The following TBC1D4 variants were observed in gnomAD, a reference collection of about 807,000 sequenced individuals.
TBC1D4 encodes the protein TBC (Tre-2, BUB2, CDC16) domain-containing protein.
Under a neutral mutation model 142.5 loss-of-function variants are expected in TBC1D4, and 121 were observed. That is an observed-to-expected ratio of 0.85 (90% CI 0.73 to 0.99). The LOEUF (loss-of-function observed/expected upper bound fraction) is 0.99, where lower values mean the gene tolerates loss of function less well. TBC1D4 is among the 50% of genes least tolerant of loss of function. The pLI is 0.00. For synonymous variants in TBC1D4, 630 were observed against 628.2 expected, an observed-to-expected ratio of 1.00 and a Z score of -0.04; for missense variants, 1,475 against 1,606.6, an observed-to-expected ratio of 0.92 and a Z score of 1.40.
At chr13:75,450,862 C>A (rs1349610081) in intron 1 of TBC1D4, among the ~76,000 whole-genome samples, 1 of 152,126 alleles carries the variant, frequency 6.6e-6, no homozygotes, top group Non-Finnish European at 1.5e-5. Flanking sequence ...CTATCTAGGG[C>A]CCACTGTGAG....
chr13:75,398,003 C>T (rs1197595132), intron 1 of TBC1D4, among the ~76,000 whole-genome samples: 1 of 152,070 alleles, frequency 6.6e-6, no homozygotes, highest in South Asian at 2.1e-4. Flanking sequence ...ACCATAAGAC[C>T]ACCACGCTGT....
At chr13:75,477,998 T>C (rs1888689634) in intron 1 of TBC1D4, among the ~76,000 whole-genome samples, 1 of 152,206 alleles carries the variant, frequency 6.6e-6, no homozygotes, top group African/African-American at 2.4e-5. Context: ...GGTTGAATGC[T>C]TCTCCTGACA....
At chr13:75,391,737 C>G (rs574075462) in intron 1 of TBC1D4, among the ~76,000 whole-genome samples, 3 of 152,284 alleles carry the variant, frequency 2.0e-5, no homozygotes, top group Middle Eastern at 3.4e-3. Flanking sequence ...TTTACAAGAC[C>G]CTGCACCATC....
chr13:75,342,502 T>C (rs1224517838), intron 5 of TBC1D4, among the ~76,000 whole-genome samples: 1 of 152,198 alleles, frequency 6.6e-6, no homozygotes, highest in Non-Finnish European at 1.5e-5. Context: ...ATAGCATTAG[T>C]ATTTAGTGAA....
At chr13:75,365,333 T>C (rs1320233700) in intron 1 of TBC1D4, among the ~76,000 whole-genome samples, 1 of 107,604 alleles carries the variant, frequency 9.3e-6, no homozygotes, top group Admixed American at 8.2e-5. Context: ...AACAGCTCTG[T>C]TTTTTTTTTT....
intron 1 of TBC1D4, among the ~76,000 whole-genome samples, chr13:75,448,456 T>C (rs1216629469): frequency 6.6e-6 from 1 of 151,536 alleles, no homozygotes; most frequent in Admixed American, 6.6e-5. Flanking sequence ...TAATCCCAGC[T>C]ACTCGGGAGG....
chr13:75,417,453 C>G (rs1885969010), intron 1 of TBC1D4, among the ~76,000 whole-genome samples: 1 of 152,028 alleles, frequency 6.6e-6, no homozygotes, highest in Non-Finnish European at 1.5e-5. Flanking sequence ...ATCTTATCAC[C>G]TGCTGAAATT....
chr13:75,463,156 G>A (rs538596140), intron 1 of TBC1D4, among the ~76,000 whole-genome samples: 1 of 144,202 alleles, frequency 6.9e-6, no homozygotes, highest in South Asian at 2.3e-4. Flanking sequence ...TTCCTGCAGA[G>A]ATCGAGTTTT....
chr13:75,306,961 T>C (rs1184971375), intron 14 of TBC1D4, among the ~76,000 whole-genome samples: 2 of 152,200 alleles, frequency 1.3e-5, no homozygotes, highest in Non-Finnish European at 2.9e-5. Flanking sequence ...TTATTTTCTC[T>C]TTCGTTTGTT....
rs549464588 is a variant in TBC1D4 at position 75,401,911 on chromosome 13, T to C, written c.499-39304A>G. Among the ~76,000 whole-genome samples, 87 of 152,360 alleles carry C rather than the reference T, an allele frequency of 5.7e-4. 3 individuals are homozygous for C. The South Asian group carries it at 0.018, about 31-fold the overall frequency. On this transcript the variant is annotated intron_variant, in intron 1 of 20. Transcript: ENST00000377636. ...TGTTTCAATTAACAGAAAATGAACA[T>C]TAAGCAGTGAGGAATTATTCAAATC...
chr13:75,306,430 A>T lies in TBC1D4; in HGVS notation c.2635T>A (p.Tyr879Asn). ...ELQSRKVKLD[Y>N]EEVGACQKEV... is the part of the protein sequence containing the mutation. ...TTCTGACATGCACCAACTTCTTCAT[A>T]GTCTAATTTAACTTTTCTGGACTGG... The change falls in exon 15 of 21, where the codon TAT becomes AAT. Residue 879 changes from tyrosine to asparagine, a missense_variant. Tyr to Asn is a moderately radical substitution (Grantham distance 143). This residue lies in a region of TBC1D4 where 1,227 missense variants were observed against 1,267.7 expected (regional missense o/e 0.97). Transcript: ENST00000377636. 6.2e-7 allele frequency: 1 copy of T among 1,613,504 alleles called. No homozygotes were observed. Among genetic ancestry groups the T allele is most frequent in the Non-Finnish European group, 8.5e-7 (1 of 1,179,894 alleles).
At chr13:75,341,320 C>A in intron 6 of TBC1D4, 85 bp from the exon 7 acceptor site, 10 of 1,423,464 alleles carry the variant, frequency 7.0e-6, no homozygotes, top group Non-Finnish European at 9.9e-6. Context: ...GTAAATAAAG[C>A]TAAGAGTTTT....
intron 1 of TBC1D4, among the ~76,000 whole-genome samples, chr13:75,447,799 G>C (rs932131014): frequency 2.2e-4 from 34 of 152,036 alleles, no homozygotes; most frequent in African/African-American, 7.5e-4. Flanking sequence ...GAACCCTATT[G>C]GGAACTGTGC....
intron 1 of TBC1D4, among the ~76,000 whole-genome samples, chr13:75,447,358 A>G (rs1887330988): frequency 6.6e-6 from 1 of 152,160 alleles, no homozygotes; most frequent in East Asian, 1.9e-4. Flanking sequence ...TGTAAGCCCT[A>G]GGTGTAATCA....
intron 1 of TBC1D4, among the ~76,000 whole-genome samples, chr13:75,454,170 C>T (rs1887639468): frequency 6.6e-6 from 1 of 151,866 alleles, no homozygotes; most frequent in Non-Finnish European, 1.5e-5. Flanking sequence ...TACAGGTGTG[C>T]CACCATGCCC....
At chr13:75,339,671 G>A (rs1446613839) in intron 7 of TBC1D4, among the ~76,000 whole-genome samples, 1 of 152,002 alleles carries the variant, frequency 6.6e-6, no homozygotes, top group African/African-American at 2.4e-5. Context: ...CACCTCCCAG[G>A]TTCACGTGCT....
intron 1 of TBC1D4, among the ~76,000 whole-genome samples, chr13:75,472,748 C>T (rs775274589): frequency 6.6e-6 from 1 of 152,160 alleles, no homozygotes; most frequent in African/African-American, 2.4e-5. Context: ...AAGGGAGCAG[C>T]AGAATCAGGG....
intron 16 of TBC1D4, among the ~76,000 whole-genome samples, chr13:75,301,786 A>G (rs992421298): frequency 6.6e-6 from 1 of 152,182 alleles, no homozygotes. Context: ...CAACATAACC[A>G]TTTATCATGC....
chr13:75,316,576 A>T (rs1878335593), intron 12 of TBC1D4: 1 of 152,240 alleles, frequency 6.6e-6, no homozygotes, highest in Non-Finnish European at 1.5e-5. Context: ...ATAAGAGAAG[A>T]TCTGTATTCA....
Sources: allele counts gnomAD v4.1 joint callset (sites outside exome capture counted in the v4.1 genomes callset), GRCh38; gene constraint gnomAD v4.1.1; regional missense constraint gnomAD v4.1.1; transcripts MANE v1.5; gene names NCBI Gene and HGNC (gene_info 2026-07-23, HGNC 2026-07-21).